Variants in ELAPOR2 observed in about 807,000 individuals in gnomAD.
ELAPOR2 encodes endosome/lysosome-associated apoptosis and autophagy regulator family member 2.
A neutral mutation model predicts 120.7 loss-of-function variants in ELAPOR2; 89 were observed. The ratio of observed to expected loss-of-function variants is 0.74; its 90% confidence interval spans 0.62 to 0.88. The LOEUF (loss-of-function observed/expected upper bound fraction) is 0.88. ELAPOR2 is among the 40% of genes least tolerant of loss of function. The pLI is 0.00. For missense variants in ELAPOR2, 1,134 were observed against 1,251.6 expected (o/e 0.91, Z 1.42); for synonymous variants, 444 against 444.9 (o/e 1.00, Z 0.03).
intron 2 of ELAPOR2, among the ~76,000 whole-genome samples, chr7:86,957,381 G>A (rs1791518653): frequency 6.6e-6 from 1 of 152,070 alleles, no homozygotes; most frequent in African/African-American, 2.4e-5. Context: ...CTCTAATTTG[G>A]TGGCACAAAA....
chr7:86,891,077 T>C (rs1166451503), intron 21 of ELAPOR2: 1 of 152,068 alleles, frequency 6.6e-6, no homozygotes, highest in Non-Finnish European at 1.5e-5. Flanking sequence ...TGTTTGGATA[T>C]GGTAGTTGTT....
chr7:86,915,714 G>C (rs1465911836), intron 12 of ELAPOR2, among the ~76,000 whole-genome samples: 1 of 149,594 alleles, frequency 6.7e-6, no homozygotes, highest in Non-Finnish European at 1.5e-5. Context: ...AAGGTTTCAT[G>C]AGCTCAAGAC....
intron 1 of ELAPOR2, among the ~76,000 whole-genome samples, chr7:86,998,472 G>T (rs1793199582): frequency 6.6e-6 from 1 of 152,150 alleles, no homozygotes; most frequent in African/African-American, 2.4e-5. Flanking sequence ...CAAATCCAGG[G>T]CTTCCTAACT....
At chr7:86,983,250 T>A (rs1792579084) in intron 1 of ELAPOR2, among the ~76,000 whole-genome samples, 1 of 152,186 alleles carries the variant, frequency 6.6e-6, no homozygotes. Context: ...GGAACCAAGT[T>A]GGAAAACACT....
intron 21 of ELAPOR2, among the ~76,000 whole-genome samples, chr7:86,885,667 A>C (rs1000870315): frequency 2.0e-5 from 3 of 152,192 alleles, no homozygotes; most frequent in Admixed American, 2.0e-4. Context: ...TGTTGGTTGC[A>C]GGCACTCAAG....
chr7:86,987,838 T>A (rs566596641), intron 1 of ELAPOR2, among the ~76,000 whole-genome samples: 1 of 152,124 alleles, frequency 6.6e-6, no homozygotes, highest in Non-Finnish European at 1.5e-5. Flanking sequence ...CCAGCGATCC[T>A]ATTACTGGGT....
At chr7:86,890,528 C>G (rs947299419) in intron 21 of ELAPOR2, among the ~76,000 whole-genome samples, 1 of 151,992 alleles carries the variant, frequency 6.6e-6, no homozygotes, top group Admixed American at 6.6e-5. Context: ...GGGAACACAG[C>G]CTTGTGGGCT....
chr7:86,891,585 CTAAGAG>C, intron 21 of ELAPOR2, 133 bp downstream of exon 21: 1 of 637,126 alleles, frequency 1.6e-6, no homozygotes, highest in Non-Finnish European at 2.6e-6. Context: ...TCATGTGCTT[CTAAGAG>C]TATTTCTGTT....
intron 1 of ELAPOR2, among the ~76,000 whole-genome samples, chr7:86,992,136 T>G (rs1792962997): frequency 6.6e-6 from 1 of 152,232 alleles, no homozygotes; most frequent in Non-Finnish European, 1.5e-5. Context: ...GATTTTTTTA[T>G]GGCTCCTGGC....
chr7:87,047,011 T>C (rs1016989422), intron 1 of ELAPOR2, among the ~76,000 whole-genome samples: 1 of 152,136 alleles, frequency 6.6e-6, no homozygotes, highest in Non-Finnish European at 1.5e-5. Flanking sequence ...GGGAACAGAA[T>C]AGAGAATCCA....
intron 1 of ELAPOR2, among the ~76,000 whole-genome samples, chr7:87,027,965 A>G (rs562381932): frequency 3.5e-4 from 53 of 152,314 alleles, no homozygotes; most frequent in African/African-American, 1.3e-3. Flanking sequence ...ACTGAAAATT[A>G]TAAGTATGCC....
At chr7:86,894,134 TACTC>T (rs1426883974) in intron 19 of ELAPOR2, among the ~76,000 whole-genome samples, 1 of 152,142 alleles carries the variant, frequency 6.6e-6, no homozygotes. Context: ...ATGAGACTCT[TACTC>T]ACTTTGGGGA....
At chr7:86,898,875 G>C (rs1460709479) in intron 18 of ELAPOR2, among the ~76,000 whole-genome samples, 1 of 152,160 alleles carries the variant, frequency 6.6e-6, no homozygotes, top group African/African-American at 2.4e-5. Flanking sequence ...TTAGGGAATA[G>C]AATGCTGCAC....
intron 1 of ELAPOR2, among the ~76,000 whole-genome samples, chr7:86,988,553 G>C (rs1220062230): frequency 6.6e-6 from 1 of 152,104 alleles, no homozygotes; most frequent in Non-Finnish European, 1.5e-5. Context: ...AGCATTGGAG[G>C]ATATTGGTAT....
intron 1 of ELAPOR2, among the ~76,000 whole-genome samples, chr7:87,009,708 T>G (rs1187128560): frequency 1.3e-5 from 2 of 152,190 alleles, no homozygotes; most frequent in African/African-American, 4.8e-5. Context: ...TTCTCTGGCT[T>G]TCTCACCTCT....
At chr7:87,004,210 T>C (rs1793403615) in intron 1 of ELAPOR2, among the ~76,000 whole-genome samples, 1 of 152,180 alleles carries the variant, frequency 6.6e-6, no homozygotes, top group African/African-American at 2.4e-5. Flanking sequence ...TGACAACAGA[T>C]GCCTCTCTTT....
At chr7:87,022,386 C>T (rs548867659) in intron 1 of ELAPOR2, among the ~76,000 whole-genome samples, 1 of 152,068 alleles carries the variant, frequency 6.6e-6, no homozygotes, top group South Asian at 2.1e-4. Context: ...CAGCTTCATC[C>T]ATGTCCCTAC....
At chr7:86,920,241 T>G (rs1562922714) in intron 10 of ELAPOR2, among the ~76,000 whole-genome samples, 1 of 152,178 alleles carries the variant, frequency 6.6e-6, no homozygotes, top group South Asian at 2.1e-4. Flanking sequence ...CTAATCTACA[T>G]ACTTATAAGA....
chr7:87,001,952 A>G (rs544502728), intron 1 of ELAPOR2, among the ~76,000 whole-genome samples: 1 of 152,276 alleles, frequency 6.6e-6, no homozygotes, highest in African/African-American at 2.4e-5. Context: ...TTTTCCATGG[A>G]CATCTGAGCT....
Sources: gnomAD v4.1 joint callset for allele counts (sites outside exome capture counted in the v4.1 genomes callset) on GRCh38, gnomAD v4.1.1 for gene constraint, MANE v1.5 for transcripts, NCBI Gene and HGNC (gene_info 2026-07-23, HGNC 2026-07-21) for gene names.